PTPN3: variants seen among roughly 807,000 people sequenced by gnomAD.
PTPN3 encodes the protein protein tyrosine phosphatase non-receptor type 3, also known as tyrosine-protein phosphatase non-receptor type 3.
A neutral mutation model predicts 132.7 loss-of-function variants in PTPN3; 96 were observed. The ratio of observed to expected loss-of-function variants is 0.72; its 90% CI spans 0.61 to 0.86. The LOEUF is 0.86. Among genes scored for constraint, PTPN3 ranks in the 40% least tolerant of loss-of-function variants. The pLI is 0.00. For synonymous variants in PTPN3, 398 were observed against 429.0 expected, an observed-to-expected ratio of 0.93 and a Z score of 0.89; for missense variants, 1,125 against 1,159.6, an observed-to-expected ratio of 0.97 and a Z score of 0.43.
the PTPN3 span, chr9:109,533,752 G>A: frequency 2.1e-6 from 3 of 1,417,610 alleles, no homozygotes; most frequent in Non-Finnish European, 2.9e-6. Context: ...AGGAAGGTGG[G>A]AACCTTCACC....
At chr9:109,528,963 T>G in the PTPN3 span, among the ~76,000 whole-genome samples, 1 of 152,358 alleles carries the variant, frequency 6.6e-6, no homozygotes, top group Admixed American at 6.5e-5. Flanking sequence ...GGCTGCCTAC[T>G]CTTCTTTGAC....
At chr9:109,397,912 T>C (rs1208222677) in intron 19 of PTPN3, 1 of 152,032 alleles carries the variant, frequency 6.6e-6, no homozygotes, top group Non-Finnish European at 1.5e-5. Flanking sequence ...ACTGATGATG[T>C]TTTCTTTCCT....
At chr9:109,536,517 G>C in the PTPN3 span, among the ~76,000 whole-genome samples, 17 of 152,172 alleles carry the variant, frequency 1.1e-4, no homozygotes, top group Non-Finnish European at 2.4e-4. Flanking sequence ...AATTATAACA[G>C]GCTGTATATG....
At chr9:109,472,515 T>G (rs1426468894) in intron 1 of PTPN3, among the ~76,000 whole-genome samples, 2 of 152,262 alleles carry the variant, frequency 1.3e-5, no homozygotes, top group Non-Finnish European at 2.9e-5. Flanking sequence ...ATTAGTCATT[T>G]CAGTTTTCAT....
chr9:109,456,385 G>A (rs115219604), intron 4 of PTPN3, among the ~76,000 whole-genome samples: 2 of 152,224 alleles, frequency 1.3e-5, no homozygotes, highest in Non-Finnish European at 2.9e-5. Context: ...ACGGGTGATG[G>A]TAAATCTAAG....
intron 10 of PTPN3, among the ~76,000 whole-genome samples, chr9:109,431,937 T>C (rs1291271961): frequency 6.6e-6 from 1 of 151,708 alleles, no homozygotes; most frequent in Non-Finnish European, 1.5e-5. Context: ...TCAAAGAAAA[T>C]ACACAGTAAT....
chr9:109,428,403 C>T (rs920258925), intron 11 of PTPN3, among the ~76,000 whole-genome samples: 11 of 152,184 alleles, frequency 7.2e-5, no homozygotes, highest in Non-Finnish European at 1.2e-4. Flanking sequence ...CTGATACATA[C>T]ATAGCAAACA....
chr9:109,504,075 A>G, the PTPN3 span, among the ~76,000 whole-genome samples: 4 of 152,286 alleles, frequency 2.6e-5, no homozygotes, highest in Admixed American at 2.0e-4. Context: ...GGATTGAGAA[A>G]CGTAATCTCT....
intron 19 of PTPN3, among the ~76,000 whole-genome samples, chr9:109,399,758 T>G (rs1319108744): frequency 6.7e-6 from 1 of 149,942 alleles, no homozygotes; most frequent in Non-Finnish European, 1.5e-5. Flanking sequence ...TGCCATGGAG[T>G]GGGTGGTGTG....
intron 1 of PTPN3, among the ~76,000 whole-genome samples, chr9:109,481,832 G>C (rs1240635442): frequency 1.3e-5 from 2 of 152,188 alleles, no homozygotes; most frequent in Non-Finnish European, 2.9e-5. Flanking sequence ...CAGATGGGTG[G>C]GCACTGCCTG....
Position 109,408,303 on chromosome 9 carries a change from T to C in PTPN3, c.1635+18A>G, listed in dbSNP as rs1588350254. 1 of 1,529,484 alleles carries C rather than the reference T, an allele frequency of 6.5e-7. No individual in the cohort carries two copies. 94.7% of individuals were successfully genotyped at this position (1,529,484 alleles called of 1,614,324 possible). A position where few individuals can be genotyped will look rare whatever the true frequency, so the allele number is the denominator to read the frequency against. Reference sequence around the variant, plus strand: ...AAACAAACAAACACGAGGAATAACATGGAATGTATTTACTTACAGGTGACT... The same window carrying C: ...AAACAAACAAACACGAGGAATAACACGGAATGTATTTACTTACAGGTGACT... On this transcript the variant is annotated intron_variant, in intron 17 of 25. Coordinates refer to ENST00000374541, the MANE Select transcript of PTPN3 (RefSeq NM_002829.4).
At chr9:109,500,927 CAAATAAAAA>C (rs1847856810), upstream of PTPN3, among the ~76,000 whole-genome samples, 1 of 84,248 alleles carries the variant, frequency 1.2e-5, no homozygotes, top group African/African-American at 5.0e-5. Flanking sequence ...GATTCTGTCT[CAAATAAAAA>C]AAAAAAAAAA....
chr9:109,401,793 T>C (rs1221714358), intron 19 of PTPN3, among the ~76,000 whole-genome samples: 1 of 152,198 alleles, frequency 6.6e-6, no homozygotes, highest in Non-Finnish European at 1.5e-5. Flanking sequence ...TGTCTGCATT[T>C]GGGCTGAGAT....
chr9:109,431,778 G>C (rs1023816850), intron 10 of PTPN3, among the ~76,000 whole-genome samples: 5 of 152,174 alleles, frequency 3.3e-5, no homozygotes, highest in African/African-American at 1.2e-4. Flanking sequence ...TCTGGAGCTA[G>C]ACTCTGATGT....
chr9:109,456,122 T>C (rs1456097522), intron 4 of PTPN3, among the ~76,000 whole-genome samples: 2 of 152,194 alleles, frequency 1.3e-5, no homozygotes, highest in Non-Finnish European at 2.9e-5. Context: ...CTGTGTCTAC[T>C]TCTTCCTGCC....
chr9:109,408,754 C>T (rs1308617116), intron 16 of PTPN3, among the ~76,000 whole-genome samples: 1 of 137,754 alleles, frequency 7.3e-6, no homozygotes, highest in Non-Finnish European at 1.5e-5. Context: ...GCACGTTGTG[C>T]ACATGTACCC....
chr9:109,450,710 A>G (rs1169096178), intron 5 of PTPN3: 11 of 985,212 alleles, frequency 1.1e-5, no homozygotes, highest in Non-Finnish European at 1.3e-5. Flanking sequence ...GAGGCTCACA[A>G]TGAAGAAGAT....
intron 1 of PTPN3, among the ~76,000 whole-genome samples, chr9:109,488,670 G>C (rs1322523243): frequency 1.3e-5 from 2 of 152,144 alleles, no homozygotes; most frequent in African/African-American, 4.8e-5. Context: ...AGGAAGGCAA[G>C]GTTTGTATTT....
chr9:109,427,097 G>T lies in PTPN3; in HGVS notation c.854C>A (p.Ala285Asp). Residue 285 changes from alanine to aspartate, a missense_variant, in exon 12 of 26, where the codon GCC (alanine) becomes GAC (aspartate). Coordinates refer to ENST00000374541, the MANE Select transcript of PTPN3 (RefSeq NM_002829.4). The part of the protein sequence containing the change: ...KQAESREHIV[A>D]FNMLNYRSCK... ...AGATCGGTAATTCAGCATGTTGAAG[G>T]CCACAATATGTTCCCTGGATTCAGC... is the stretch of plus-strand genomic sequence containing the variant. 1 of 1,614,112 alleles carries T rather than the reference G, an allele frequency of 6.2e-7. No homozygotes were observed. The highest frequency in any genetic ancestry group is 8.5e-7 in the Non-Finnish European group (1 of 1,179,996).
Sources: gnomAD v4.1 joint callset for allele counts (sites outside exome capture counted in the v4.1 genomes callset) on GRCh38, gnomAD v4.1.1 for gene constraint, MANE v1.5 for transcripts, NCBI Gene and HGNC (gene_info 2026-07-23, HGNC 2026-07-21) for gene names.